CAMK1D: variants seen among roughly 807,000 people sequenced by gnomAD.
CAMK1D encodes calcium/calmodulin-dependent protein kinase type 1D.
In CAMK1D, 9 loss-of-function variants were observed where a neutral mutation model predicts 47.7. That is an observed-to-expected ratio of 0.19 (90% CI 0.11 to 0.33). CAMK1D has a LOEUF of 0.33. Ranked by LOEUF, CAMK1D falls within the 10% of genes least tolerant of loss-of-function variation. CAMK1D has a pLI of 1.00. For missense variants in CAMK1D, 291 were observed against 488.7 expected, an observed-to-expected ratio of 0.60 and a Z score of 3.81; for synonymous variants, 184 against 184.9, an observed-to-expected ratio of 0.99 and a Z score of 0.04.
At chr10:12,353,115 C>T (rs1009507364) in intron 1 of CAMK1D, among the ~76,000 whole-genome samples, 3 of 152,102 alleles carry the variant, frequency 2.0e-5, no homozygotes, top group East Asian at 1.9e-4. Flanking sequence ...GACTCTGGCC[C>T]GAGTCTTAAT....
intron 1 of CAMK1D, among the ~76,000 whole-genome samples, chr10:12,370,612 G>A (rs899797133): frequency 8.6e-5 from 13 of 152,016 alleles, no homozygotes; most frequent in African/African-American, 3.1e-4. Flanking sequence ...GTGTGTTTGT[G>A]TTCTTTGTTT....
At chr10:12,511,509 G>A (rs1835038630) in intron 1 of CAMK1D, among the ~76,000 whole-genome samples, 1 of 152,168 alleles carries the variant, frequency 6.6e-6, no homozygotes, top group Admixed American at 6.5e-5. Flanking sequence ...TACCTGGGAG[G>A]CTAAGGCAGA....
intron 4 of CAMK1D, 24 bp downstream of exon 4, chr10:12,761,110 C>A (rs771625599): frequency 6.2e-7 from 1 of 1,607,734 alleles, no homozygotes; most frequent in Non-Finnish European, 8.5e-7. Flanking sequence ...TCAGCAGCAT[C>A]CTGCAGCCAC....
chr10:12,605,605 C>G (rs905429067), intron 2 of CAMK1D, among the ~76,000 whole-genome samples: 1 of 152,044 alleles, frequency 6.6e-6, no homozygotes, highest in African/African-American at 2.4e-5. Flanking sequence ...CAGTTTGTGC[C>G]CACTCACTTC....
intron 4 of CAMK1D, 48 bp downstream of exon 4, chr10:12,761,134 A>G (rs377333004): frequency 8.8e-6 from 14 of 1,597,264 alleles, no homozygotes; most frequent in Admixed American, 1.7e-5. Context: ...GCAGCCCGCA[A>G]TGCACGCGAC....
chr10:12,511,411 G>A (rs1835034752), intron 1 of CAMK1D, among the ~76,000 whole-genome samples: 1 of 152,024 alleles, frequency 6.6e-6, no homozygotes, highest in Non-Finnish European at 1.5e-5. Context: ...GACCAGCCTG[G>A]GCAACACAGA....
chr10:12,414,633 T>A (rs1839782999), intron 1 of CAMK1D, among the ~76,000 whole-genome samples: 1 of 152,214 alleles, frequency 6.6e-6, no homozygotes, highest in African/African-American at 2.4e-5. Flanking sequence ...TTTCTGAAAA[T>A]GTTCTGATGA....
chr10:12,571,452 A>C (rs1588646047), intron 2 of CAMK1D, among the ~76,000 whole-genome samples: 2 of 79,036 alleles, frequency 2.5e-5, no homozygotes, highest in Non-Finnish European at 5.2e-5. Context: ...AGACTCCATC[A>C]CAAAAAAAAA....
At chr10:12,818,681 A>AT (rs973125557) in intron 8 of CAMK1D, among the ~76,000 whole-genome samples, 33 of 138,638 alleles carry the variant, frequency 2.4e-4, no homozygotes, top group African/African-American at 8.9e-4. Context: ...AAAAAAAAAA[A>AT]AAATAAGGTA....
chr10:12,649,249 A>ACCTTT (rs1839894660), intron 2 of CAMK1D, among the ~76,000 whole-genome samples: 1 of 152,252 alleles, frequency 6.6e-6, no homozygotes, highest in South Asian at 2.1e-4. Flanking sequence ...AAAGTTCATT[A>ACCTTT]CCTTGACTCT....
intron 2 of CAMK1D, among the ~76,000 whole-genome samples, chr10:12,635,766 ATTCTT>A (rs1564459240): frequency 6.7e-6 from 1 of 149,056 alleles, no homozygotes; most frequent in Non-Finnish European, 1.5e-5. Context: ...ATAATGATTA[ATTCTT>A]TTCTTCCTTC....
rs1215913107 is a variant in CAMK1D, at chr10:12,648,157, C to T, written c.225-18579C>T. Among the ~76,000 whole-genome samples, 4 of 152,132 alleles carry T rather than the reference C, an allele frequency of 2.6e-5. No homozygotes were observed. In the East Asian group the frequency reaches 7.7e-4, roughly 29 times the overall value. On this transcript the variant is annotated intron_variant, in intron 2 of 10. Transcript: ENST00000619168. ...AGCTATTTTTTATAGACCTTAAAGA[C>T]ATTATATTCCAGGACATACAGCCAT...
At chr10:12,445,718 C>G (rs1564344433) in intron 1 of CAMK1D, among the ~76,000 whole-genome samples, 1 of 152,120 alleles carries the variant, frequency 6.6e-6, no homozygotes, top group Non-Finnish European at 1.5e-5. Context: ...AGTCATAAAC[C>G]ATGTCCTGAC....
chr10:12,401,599 C>T (rs927046420), intron 1 of CAMK1D, among the ~76,000 whole-genome samples: 6 of 151,348 alleles, frequency 4.0e-5, no homozygotes, highest in Admixed American at 1.3e-4. Context: ...GATAGGGAGG[C>T]TCCCACAAGG....
intron 3 of CAMK1D, among the ~76,000 whole-genome samples, chr10:12,712,740 G>A (rs1833984316): frequency 2.6e-5 from 4 of 152,138 alleles, no homozygotes. Context: ...TTAGGGGTAG[G>A]GGAGACTAAC....
chr10:12,524,127 C>G (rs188858542), intron 1 of CAMK1D, among the ~76,000 whole-genome samples: 1 of 151,162 alleles, frequency 6.6e-6, no homozygotes, highest in Admixed American at 6.6e-5. Context: ...CTCCTGACAT[C>G]GTAATTTTTT....
chr10:12,812,473 C>A (rs1209387649), intron 6 of CAMK1D, among the ~76,000 whole-genome samples: 1 of 152,038 alleles, frequency 6.6e-6, no homozygotes, highest in African/African-American at 2.4e-5. Context: ...AAAATTAGCC[C>A]AGCATGCTGG....
chr10:12,616,565 T>A (rs1311130198), intron 2 of CAMK1D, among the ~76,000 whole-genome samples: 4 of 152,138 alleles, frequency 2.6e-5, no homozygotes, highest in Admixed American at 6.5e-5. Flanking sequence ...TCTCCCAGGC[T>A]GGGGTGCAGT....
intron 4 of CAMK1D, among the ~76,000 whole-genome samples, chr10:12,769,008 C>T (rs1240716533): frequency 6.6e-6 from 1 of 152,216 alleles, no homozygotes; most frequent in Non-Finnish European, 1.5e-5. Context: ...GCTGCCCAAG[C>T]ACTGTTCAGA....
Sources: allele counts gnomAD v4.1 joint callset (sites outside exome capture counted in the v4.1 genomes callset), GRCh38; gene constraint gnomAD v4.1.1; transcripts MANE v1.5; gene names NCBI Gene and HGNC (gene_info 2026-07-23, HGNC 2026-07-21).